The following TBC1D19 variants were observed in gnomAD, a reference collection of about 807,000 sequenced individuals.
The protein encoded by TBC1D19 is TBC1 domain family member 19.
In TBC1D19, 60 loss-of-function variants were observed where a neutral mutation model predicts 89.0. The ratio of observed to expected loss-of-function variants is 0.67; its 90% CI spans 0.55 to 0.84. TBC1D19 has a LOEUF of 0.84. Among genes scored for constraint, TBC1D19 ranks in the 40% least tolerant of loss-of-function variants. TBC1D19 has a pLI of 0.00. For missense variants in TBC1D19, 500 were observed against 610.8 expected (o/e 0.82, Z 1.91); for synonymous variants, 189 against 199.7 (o/e 0.95, Z 0.45).
chr4:26,695,293 G>A (rs186137374), intron 13 of TBC1D19, among the ~76,000 whole-genome samples: 198 of 152,314 alleles, frequency 1.3e-3, no homozygotes, highest in African/African-American at 4.5e-3. Flanking sequence ...GAAGCGAGAA[G>A]AGAAGTTTAG....
intron 15 of TBC1D19, among the ~76,000 whole-genome samples, chr4:26,729,921 T>C (rs1717547143): frequency 6.6e-6 from 1 of 152,194 alleles, no homozygotes; most frequent in Non-Finnish European, 1.5e-5. Context: ...TCAGCAAATA[T>C]TTGGTAGATG....
intron 1 of TBC1D19, chr4:26,585,037 A>G (rs1359278555): frequency 9.2e-6 from 2 of 217,366 alleles, no homozygotes; most frequent in African/African-American, 4.7e-5. Flanking sequence ...TTGTTTATTC[A>G]TCATTGTGTG....
chr4:26,699,652 G>A (rs191086274), intron 13 of TBC1D19, among the ~76,000 whole-genome samples: 2,528 of 152,142 alleles, frequency 0.017, 70 homozygotes, highest in African/African-American at 0.058. Context: ...AGAAAATGTG[G>A]CACATATACA....
chr4:26,753,691 G>A lies in TBC1D19; in HGVS notation c.1436-129G>A. ...TCACAAGACCTTAATTCAGAATGCG[G>A]GGGTGTGGTCCGTTGTGTAAAGCAC... On this transcript the variant is annotated intron_variant, in intron 19 of 20. Transcript: ENST00000264866. The A allele has an allele frequency of 3.6e-6, 3 of 838,792 alleles. No individual in the cohort carries two copies. In the South Asian group the frequency reaches 5.2e-5, roughly 15 times the overall value. The allele number at this position is 838,792 out of a possible 1,614,324, so 52.0% of individuals were successfully genotyped here. A position where few individuals can be genotyped will look rare whatever the true frequency, so the allele number is the denominator to read the frequency against.
rs188892228 is a variant in TBC1D19 at position 26,665,095 on chromosome 4, G to T, written c.592-1238G>T. 2.6e-5 allele frequency among the ~76,000 whole-genome samples: 4 copies of T among 152,206 alleles called. No homozygotes were observed. The East Asian group carries it at 5.8e-4, about 22-fold the overall frequency. ...TGCAGTTGAGATTTCCTTGGAAGGG[G>T]TGCCTTCGATGTCATTAACATCAGA... On this transcript the variant is annotated intron_variant, in intron 8 of 20. Coordinates refer to ENST00000264866, the MANE Select transcript of TBC1D19 (RefSeq NM_018317.4).
the TBC1D19 span, among the ~76,000 whole-genome samples, chr4:26,828,672 T>C: frequency 6.6e-6 from 1 of 152,340 alleles, no homozygotes; most frequent in Admixed American, 6.5e-5. Context: ...TGTGTGACCT[T>C]GAACAAATTA....
the TBC1D19 span, among the ~76,000 whole-genome samples, chr4:26,784,046 G>A: frequency 6.6e-6 from 1 of 152,124 alleles, no homozygotes; most frequent in Non-Finnish European, 1.5e-5. Flanking sequence ...CCATCCTCCT[G>A]GAAGCCCTGT....
the TBC1D19 span, among the ~76,000 whole-genome samples, chr4:26,800,842 T>C: frequency 6.6e-6 from 1 of 152,254 alleles, no homozygotes; most frequent in South Asian, 2.1e-4. Flanking sequence ...TCGCCCACTT[T>C]TTGATGGGGT....
the TBC1D19 span, among the ~76,000 whole-genome samples, chr4:26,770,474 A>G: frequency 6.6e-6 from 1 of 152,102 alleles, no homozygotes; most frequent in Admixed American, 6.5e-5. Context: ...TTTATCAATT[A>G]TTGGTGGAAT....
chr4:26,766,396 C>G, the TBC1D19 span, among the ~76,000 whole-genome samples: 1 of 152,142 alleles, frequency 6.6e-6, no homozygotes. Context: ...GTTGAGTGGC[C>G]TCAGCTAGAG....
chr4:26,689,602 T>C (rs2109162555), intron 13 of TBC1D19, among the ~76,000 whole-genome samples: 1 of 152,328 alleles, frequency 6.6e-6, no homozygotes, highest in East Asian at 1.9e-4. Flanking sequence ...TGGTAATTCT[T>C]AACAATATTT....
the TBC1D19 span, among the ~76,000 whole-genome samples, chr4:26,818,948 G>A: frequency 1.3e-5 from 2 of 152,180 alleles, no homozygotes; most frequent in Non-Finnish European, 2.9e-5. Flanking sequence ...CCTTCCTAAT[G>A]TCAGGTGCAA....
intron 4 of TBC1D19, among the ~76,000 whole-genome samples, chr4:26,629,885 T>G (rs1470505754): frequency 6.6e-6 from 1 of 151,802 alleles, no homozygotes; most frequent in East Asian, 1.9e-4. Flanking sequence ...TATACATGCA[T>G]AGAAAAATGA....
the TBC1D19 span, among the ~76,000 whole-genome samples, chr4:26,829,526 G>T: frequency 6.6e-6 from 1 of 152,052 alleles, no homozygotes; most frequent in Non-Finnish European, 1.5e-5. Context: ...TTCAGTCTTG[G>T]GTAGGTGTTA....
chr4:26,817,288 C>A, the TBC1D19 span, among the ~76,000 whole-genome samples: 4 of 152,242 alleles, frequency 2.6e-5, no homozygotes, highest in South Asian at 6.2e-4. Context: ...CTCTCCCGCA[C>A]CCCGCCGGCA....
At chr4:26,716,014 C>T (rs550077167) in intron 13 of TBC1D19, among the ~76,000 whole-genome samples, 35 of 152,214 alleles carry the variant, frequency 2.3e-4, no homozygotes, top group African/African-American at 8.4e-4. Context: ...GAAGCCTACA[C>T]TGAACAGCCT....
At chr4:26,800,749 T>A in the TBC1D19 span, among the ~76,000 whole-genome samples, 18 of 152,220 alleles carry the variant, frequency 1.2e-4, no homozygotes, top group African/African-American at 3.6e-4. Context: ...CATTTCTCTG[T>A]TTGCCAGTGA....
the TBC1D19 span, among the ~76,000 whole-genome samples, chr4:26,828,575 C>G: frequency 1.3e-5 from 2 of 152,228 alleles, no homozygotes; most frequent in Non-Finnish European, 2.9e-5. Context: ...TATGCACGTC[C>G]AAGTATAGTG....
the TBC1D19 span, among the ~76,000 whole-genome samples, chr4:26,836,730 C>G: frequency 6.6e-6 from 1 of 152,170 alleles, no homozygotes; most frequent in African/African-American, 2.4e-5. Flanking sequence ...TGCAGCAGCC[C>G]AGGCAGAGGC....
Sources: allele counts gnomAD v4.1 joint callset (sites outside exome capture counted in the v4.1 genomes callset), GRCh38; gene constraint gnomAD v4.1.1; transcripts MANE v1.5; gene names NCBI Gene and HGNC (gene_info 2026-07-23, HGNC 2026-07-21).